The following FAM184B variants were observed in gnomAD, a reference collection of about 807,000 sequenced individuals.
FAM184B encodes protein FAM184B.
In FAM184B, 111 loss-of-function variants were observed where a neutral mutation model predicts 135.9. The ratio of observed to expected loss-of-function variants is 0.82; its 90% CI spans 0.70 to 0.96. FAM184B has a LOEUF of 0.96. FAM184B is among the 40% of genes least tolerant of loss of function. The pLI, the probability that FAM184B is intolerant of heterozygous loss-of-function variation, is 0.00. For synonymous variants in FAM184B, 552 were observed against 524.8 expected (o/e 1.05, Z -0.71); for missense variants, 1,375 against 1,323.9 (o/e 1.04, Z -0.60).
rs530321995 is a variant in FAM184B, at chr4:17,630,489, A to G, written c.*2043T>C. 2.6e-5 allele frequency: 4 copies of G among 152,334 alleles called. No homozygotes were observed. The highest frequency in any genetic ancestry group is 9.6e-5 in the African/African-American group (4 of 41,578). The allele number at this position is 152,334 out of a possible 1,614,324, so 9.4% of individuals were successfully genotyped here. ...GAAGAATGGGCCCTCCCCAGACTCC[A>G]TATCTGCTGGTGCCTTGATCTTGGA... On this transcript the variant is annotated 3_prime_UTR_variant, in exon 18 of 18. Coordinates refer to ENST00000265018, the MANE Select transcript of FAM184B (RefSeq NM_015688.2).
At chr4:17,674,182 G>T (rs1327419380) in intron 7 of FAM184B, among the ~76,000 whole-genome samples, 1 of 152,076 alleles carries the variant, frequency 6.6e-6, no homozygotes, top group Non-Finnish European at 1.5e-5. Context: ...TAGCATAAAA[G>T]TTAAAAGACA....
chr4:17,646,556 G>A (rs919400198), intron 12 of FAM184B, among the ~76,000 whole-genome samples: 19 of 151,564 alleles, frequency 1.3e-4, no homozygotes, highest in Non-Finnish European at 2.5e-4. Context: ...CAGGAAGGGG[G>A]ACATCACACA....
At chr4:17,701,797 G>A (rs565933013) in intron 5 of FAM184B, among the ~76,000 whole-genome samples, 26 of 152,276 alleles carry the variant, frequency 1.7e-4, no homozygotes, top group Admixed American at 5.2e-4. Flanking sequence ...GTGTGACGTA[G>A]CTAATGTGCA....
chr4:17,658,619 T>G, intron 9 of FAM184B, 57 bp from the exon 10 acceptor site: 1 of 1,488,546 alleles, frequency 6.7e-7, no homozygotes, highest in Non-Finnish European at 9.1e-7. Context: ...TGGGATGTTT[T>G]CTTCAAATAA....
rs1715142703 is a variant in FAM184B at position 17,636,548 on chromosome 4, C to T, written c.2764G>A (p.Asp922Asn). The T allele has an allele frequency of 1.3e-6, 2 of 1,550,934 alleles. No homozygotes were observed. Among genetic ancestry groups the T allele is most frequent in the Non-Finnish European group, 1.7e-6 (2 of 1,146,892 alleles). Residue 922 changes from aspartate (D) to asparagine (N), a missense_variant, in exon 15 of 18, where the codon GAC (aspartate) becomes AAC (asparagine). Transcript: ENST00000265018. ...CTCACCGTGAGCTGCTTGATGATGT[C>T]CTCTCTCTCCTTCAGGCGGGTCTGC... ...RLQTRLKEREDIIKQLTEERR... is the reference protein window; with the variant it reads ...RLQTRLKERENIIKQLTEERR...
At chr4:17,720,244 G>A (rs1717489511) in intron 1 of FAM184B, among the ~76,000 whole-genome samples, 1 of 151,986 alleles carries the variant, frequency 6.6e-6, no homozygotes, top group Admixed American at 6.6e-5. Flanking sequence ...ATCTCTACTT[G>A]GATATTGAAC....
At chr4:17,634,613 T>G (rs1050916058) in intron 16 of FAM184B, among the ~76,000 whole-genome samples, 1 of 152,220 alleles carries the variant, frequency 6.6e-6, no homozygotes, top group African/African-American at 2.4e-5. Flanking sequence ...TGTGAGCCAT[T>G]GCACCCAGCC....
chr4:17,701,764 C>T (rs1198265642), intron 5 of FAM184B, among the ~76,000 whole-genome samples: 1 of 152,180 alleles, frequency 6.6e-6, no homozygotes, highest in African/African-American at 2.4e-5. Context: ...ACCGAACTTT[C>T]TGTGATGATG....
chr4:17,750,204 A>G (rs1034749587), intron 1 of FAM184B, among the ~76,000 whole-genome samples: 9 of 152,224 alleles, frequency 5.9e-5, no homozygotes. Flanking sequence ...GCGATTTCCT[A>G]TCACCACCAG....
intron 14 of FAM184B, among the ~76,000 whole-genome samples, chr4:17,638,766 A>G (rs1449138146): frequency 6.6e-6 from 1 of 151,448 alleles, no homozygotes; most frequent in Non-Finnish European, 1.5e-5. Context: ...ACAAATTCCC[A>G]CTGCCCTGCA....
At chr4:17,636,992 G>A (rs957488616) in intron 14 of FAM184B, among the ~76,000 whole-genome samples, 10 of 152,170 alleles carry the variant, frequency 6.6e-5, no homozygotes, top group African/African-American at 9.6e-5. Flanking sequence ...ATCTGCTGGC[G>A]GACATAGAGC....
At chr4:17,652,155 T>TTTTC (rs1560168173) in intron 11 of FAM184B, among the ~76,000 whole-genome samples, 18 of 137,750 alleles carry the variant, frequency 1.3e-4, no homozygotes, top group Non-Finnish European at 1.7e-4. Flanking sequence ...TTTTGAGTCT[T>TTTTC]GCACTGTCGC....
rs142276289 is a variant in FAM184B, at chr4:17,769,910, A to T, written c.141+11249T>A. ...TAAACCAATAAAGGAAAAAAGGCAG[A>T]TGGAGCTGAGATAGCCTCAGAGTGG... On this transcript the variant is annotated intron_variant, in intron 1 of 17. Transcript: ENST00000265018. Among the ~76,000 whole-genome samples the T allele has an allele frequency of 1.0e-3, 156 of 152,322 alleles. 1 individual carries two copies. Among genetic ancestry groups the T allele is most frequent in the African/African-American group, 3.4e-3 (142 of 41,576 alleles).
intron 1 of FAM184B, among the ~76,000 whole-genome samples, chr4:17,732,931 T>A (rs1717820198): frequency 6.6e-6 from 1 of 152,158 alleles, no homozygotes. Context: ...GATGCAAGAA[T>A]CCTCAATAAA....
intron 1 of FAM184B, among the ~76,000 whole-genome samples, chr4:17,751,544 C>T (rs577689158): frequency 3.7e-4 from 56 of 152,048 alleles, no homozygotes; most frequent in African/African-American, 1.4e-3. Flanking sequence ...AACACATTTC[C>T]AAACTTTCAA....
chr4:17,641,642 C>CTTTTTTTTTTTT (rs1560165284), intron 13 of FAM184B, among the ~76,000 whole-genome samples: 3 of 34,454 alleles, frequency 8.7e-5, no homozygotes, highest in African/African-American at 2.5e-4. Context: ...CCACGCCCGG[C>CTTTTTTTTTTTT]CTTTTTTTTT....
At position 17,639,266 on chromosome 4, in the gene FAM184B, C is replaced by T. The variant is rs1190378028; in HGVS notation, c.2650G>A (p.Ala884Thr). 6.4e-7 allele frequency: 1 copy of T among 1,551,662 alleles called. No individual in the cohort carries two copies. Among genetic ancestry groups the T allele is most frequent in the Non-Finnish European group, 8.7e-7 (1 of 1,146,976 alleles). Residue 884 changes from alanine to threonine, a missense_variant, in exon 14 of 18, where the codon GCT becomes ACT. Transcript: ENST00000265018. ...CTCACTTACTCGGCTTCCAGGGCAG[C>T]CAGCCGGGCCTGGAGCTGGGCCTGG... Reference protein sequence around the residue: ...SAQAQLQARLAALEAELKDSG... With the variant: ...SAQAQLQARLTALEAELKDSG...
At chr4:17,742,646 G>T (rs1190700391) in intron 1 of FAM184B, among the ~76,000 whole-genome samples, 3 of 152,178 alleles carry the variant, frequency 2.0e-5, no homozygotes, top group African/African-American at 7.2e-5. Context: ...AGAAGCAACT[G>T]AGCATCAAAG....
chr4:17,649,812 C>G (rs1347718474), intron 11 of FAM184B, among the ~76,000 whole-genome samples: 1 of 151,964 alleles, frequency 6.6e-6, no homozygotes, highest in Non-Finnish European at 1.5e-5. Context: ...ATCTACCTAT[C>G]CATCCTTCTA....
Sources: gnomAD v4.1 joint callset for allele counts (sites outside exome capture counted in the v4.1 genomes callset) on GRCh38, gnomAD v4.1.1 for gene constraint, MANE v1.5 for transcripts, NCBI Gene and HGNC (gene_info 2026-07-23, HGNC 2026-07-21) for gene names.